The following PPARGC1A variants were observed in gnomAD, a reference collection of about 807,000 sequenced individuals.
PPARGC1A encodes the protein peroxisome proliferator-activated receptor gamma coactivator 1-alpha.
A neutral mutation model predicts 88.7 loss-of-function variants in PPARGC1A; 25 were observed. That is an observed-to-expected ratio of 0.28 (90% CI 0.21 to 0.39). The LOEUF (loss-of-function observed/expected upper bound fraction) is 0.39, where lower values mean the gene tolerates loss of function less well. Ranked by LOEUF, PPARGC1A falls within the 10% of genes least tolerant of loss-of-function variation. PPARGC1A has a pLI of 1.00. For missense variants in PPARGC1A, 880 were observed against 968.7 expected (o/e 0.91, Z 1.22); for synonymous variants, 363 against 355.6 (o/e 1.02, Z -0.24).
intron 12 of PPARGC1A, among the ~76,000 whole-genome samples, chr4:23,799,236 G>A (rs1718198404): frequency 6.6e-6 from 1 of 152,130 alleles, no homozygotes; most frequent in Non-Finnish European, 1.5e-5. Flanking sequence ...AAAATGTTTT[G>A]AGTTCCAAAG....
chr4:24,226,341 G>A, the PPARGC1A span, among the ~76,000 whole-genome samples: 1 of 152,160 alleles, frequency 6.6e-6, no homozygotes, highest in African/African-American at 2.4e-5. Flanking sequence ...GATGTTCGCC[G>A]TGGAATAAGA....
chr4:23,817,450 G>T (rs1306186659), intron 7 of PPARGC1A, among the ~76,000 whole-genome samples: 1 of 152,084 alleles, frequency 6.6e-6, no homozygotes, highest in Non-Finnish European at 1.5e-5. Flanking sequence ...CTATTTCAGG[G>T]ACTCAGCCTC....
At chr4:24,054,162 A>G in the PPARGC1A span, among the ~76,000 whole-genome samples, 1 of 152,178 alleles carries the variant, frequency 6.6e-6, no homozygotes, top group Non-Finnish European at 1.5e-5. Context: ...GGGGCACTGG[A>G]ATTTTAAGAA....
the PPARGC1A span, among the ~76,000 whole-genome samples, chr4:24,134,126 A>G: frequency 2.0e-5 from 3 of 152,208 alleles, no homozygotes; most frequent in Non-Finnish European, 4.4e-5. Context: ...AAGACAGAGA[A>G]ATGTCCCATC....
At chr4:23,906,444 A>G (rs1306900081), upstream of PPARGC1A, among the ~76,000 whole-genome samples, 1 of 151,684 alleles carries the variant, frequency 6.6e-6, no homozygotes, top group Non-Finnish European at 1.5e-5. Flanking sequence ...GAAACCCTGT[A>G]TCTACTAAAA....
chr4:24,366,296 G>A, the PPARGC1A span, among the ~76,000 whole-genome samples: 1 of 152,250 alleles, frequency 6.6e-6, no homozygotes, highest in East Asian at 1.9e-4. Flanking sequence ...AATCTTTAAT[G>A]AGAAAAGAAG....
chr4:24,047,504 G>A, the PPARGC1A span, among the ~76,000 whole-genome samples: 1 of 152,166 alleles, frequency 6.6e-6, no homozygotes, highest in African/African-American at 2.4e-5. Context: ...CTATAAGGTA[G>A]CACCATTCTT....
chr4:24,204,226 CT>C, the PPARGC1A span, among the ~76,000 whole-genome samples: 1 of 152,244 alleles, frequency 6.6e-6, no homozygotes, highest in Non-Finnish European at 1.5e-5. Flanking sequence ...CCAAAAGGGG[CT>C]TTTCTGCTAA....
the PPARGC1A span, among the ~76,000 whole-genome samples, chr4:24,450,566 C>T: frequency 6.6e-6 from 1 of 152,054 alleles, no homozygotes; most frequent in Non-Finnish European, 1.5e-5. Flanking sequence ...ATAACTGTTT[C>T]AAAGATCCTT....
At chr4:24,460,739 T>C in the PPARGC1A span, among the ~76,000 whole-genome samples, 1 of 152,166 alleles carries the variant, frequency 6.6e-6, no homozygotes, top group African/African-American at 2.4e-5. Flanking sequence ...CCTAAAGGAT[T>C]TCATTAGCAC....
the PPARGC1A span, among the ~76,000 whole-genome samples, chr4:24,306,266 T>C: frequency 1.3e-5 from 2 of 151,298 alleles, no homozygotes; most frequent in Non-Finnish European, 2.9e-5. Flanking sequence ...ACATCAGTGA[T>C]TTTTTTTTCA....
intron 2 of PPARGC1A, among the ~76,000 whole-genome samples, chr4:23,871,942 C>T (rs58458475): frequency 1.3e-5 from 2 of 152,102 alleles, no homozygotes; most frequent in Non-Finnish European, 2.9e-5. Context: ...CTGGTACCTC[C>T]AGAGGGAAGA....
At chr4:23,945,003 C>A in the PPARGC1A span, among the ~76,000 whole-genome samples, 1 of 152,152 alleles carries the variant, frequency 6.6e-6, no homozygotes, top group African/African-American at 2.4e-5. Flanking sequence ...AACTTCACAG[C>A]GCTGAGCCTC....
the PPARGC1A span, among the ~76,000 whole-genome samples, chr4:24,017,689 C>A: frequency 6.6e-6 from 1 of 152,184 alleles, no homozygotes; most frequent in South Asian, 2.1e-4. Flanking sequence ...ACAACAAGGA[C>A]ATCATTATTT....
the PPARGC1A span, among the ~76,000 whole-genome samples, chr4:24,221,307 T>C: frequency 6.6e-6 from 1 of 152,208 alleles, no homozygotes; most frequent in Non-Finnish European, 1.5e-5. Flanking sequence ...TGTGTATGCA[T>C]TCTATAAGCA....
At chr4:24,178,145 C>T in the PPARGC1A span, among the ~76,000 whole-genome samples, 10 of 152,178 alleles carry the variant, frequency 6.6e-5, no homozygotes, top group Non-Finnish European at 1.5e-4. Context: ...CCCATAAATC[C>T]TATTCATTCA....
At chr4:24,365,792 T>A in the PPARGC1A span, among the ~76,000 whole-genome samples, 2 of 152,218 alleles carry the variant, frequency 1.3e-5, no homozygotes, top group African/African-American at 2.4e-5. Context: ...ACTTTTCTTC[T>A]TATACATTTT....
the PPARGC1A span, among the ~76,000 whole-genome samples, chr4:23,953,883 T>TA: frequency 6.6e-6 from 1 of 152,026 alleles, no homozygotes; most frequent in Non-Finnish European, 1.5e-5. Context: ...CCTCGTATGA[T>TA]AAAAATGCTT....
At chr4:24,383,462 G>A in the PPARGC1A span, among the ~76,000 whole-genome samples, 2 of 152,088 alleles carry the variant, frequency 1.3e-5, no homozygotes, top group Non-Finnish European at 2.9e-5. Flanking sequence ...CCAATGCAAG[G>A]AAGCTAAGAA....
Sources: gnomAD v4.1 joint callset for allele counts (sites outside exome capture counted in the v4.1 genomes callset) on GRCh38, gnomAD v4.1.1 for gene constraint, MANE v1.5 for transcripts, NCBI Gene and HGNC (gene_info 2026-07-23, HGNC 2026-07-21) for gene names.